FAM193A: variants seen among roughly 807,000 people sequenced by gnomAD.
FAM193A encodes the protein family with sequence similarity 193 member A, also known as protein FAM193A.
A neutral mutation model predicts 126.5 loss-of-function variants in FAM193A; 22 were observed. That is an observed-to-expected ratio of 0.17 (90% CI 0.12 to 0.25). The LOEUF is 0.25. FAM193A is among the 10% of genes least tolerant of loss of function. The pLI is 1.00. For missense variants in FAM193A, 1,675 were observed against 1,672.8 expected, an observed-to-expected ratio of 1.00 and a Z score of -0.02; for synonymous variants, 761 against 646.8, an observed-to-expected ratio of 1.18 and a Z score of -2.68.
At chr4:2,644,997 T>G (rs1744991592) in intron 6 of FAM193A, among the ~76,000 whole-genome samples, 2 of 151,758 alleles carry the variant, frequency 1.3e-5, no homozygotes, top group Admixed American at 1.3e-4. Flanking sequence ...CATGAGCATA[T>G]TTCCATTTCA....
At chr4:2,696,623 G>T (rs372384269) in intron 18 of FAM193A, 30 bp downstream of exon 18, 3 of 1,561,156 alleles carry the variant, frequency 1.9e-6, no homozygotes, top group Non-Finnish European at 1.8e-6. Context: ...ACCTGGAGGC[G>T]CCAGGTCTGA....
In FAM193A at chr4:2,672,099, TG is replaced by T. The variant is rs763214074; in HGVS notation, c.2080-21del. The T allele has an allele frequency of 5.1e-5, 82 of 1,610,612 alleles. 1 individual carries two copies. The highest frequency in any genetic ancestry group is 3.5e-4 in the South Asian group (32 of 91,012). On this transcript the variant is annotated intron_variant, in intron 12 of 20. Transcript: ENST00000637812. ...CATTTATTGTTTCACTAAATAGGTA[TG>T]TTTTTTTTCTTTCCTCTTAGGCTGA...
intron 10 of FAM193A, among the ~76,000 whole-genome samples, chr4:2,662,456 G>C (rs367726935): frequency 6.6e-6 from 1 of 152,198 alleles, no homozygotes; most frequent in African/African-American, 2.4e-5. Context: ...GTTGCCATCG[G>C]TACCCCTTTA....
chr4:2,664,107 T>C (rs537944298), intron 12 of FAM193A, among the ~76,000 whole-genome samples: 1 of 152,360 alleles, frequency 6.6e-6, no homozygotes, highest in African/African-American at 2.4e-5. Flanking sequence ...AAGGTCTATC[T>C]GGGAAGTCTG....
At chr4:2,621,022 A>G (rs1179065643) in intron 2 of FAM193A, among the ~76,000 whole-genome samples, 1 of 151,974 alleles carries the variant, frequency 6.6e-6, no homozygotes, top group Non-Finnish European at 1.5e-5. Context: ...GGGTGTCATT[A>G]TGCCCCACTG....
In FAM193A at chr4:2,659,636, A is replaced by C. The variant is rs781723286; in HGVS notation, c.1468A>C (p.Met490Leu). Reference protein sequence around the residue: ...MRHMLSSRLSMPDCPNCNYRR... With the variant: ...MRHMLSSRLSLPDCPNCNYRR... ...GCACATGTTATCGTCCCGGCTGAGC[A>C]TGCCCGACTGCCCCAACTGCAACTA... The change falls in exon 9 of 21, where the codon ATG becomes CTG. Residue 490 changes from methionine (M) to leucine (L), a missense_variant. Transcript: ENST00000637812. The C allele has an allele frequency of 3.1e-6, 5 of 1,614,056 alleles. No individual in the cohort carries two copies. Among genetic ancestry groups the C allele is most frequent in the Non-Finnish European group, 4.2e-6 (5 of 1,180,032 alleles).
chr4:2,699,792 G>A lies in FAM193A; in HGVS notation c.3620G>A (p.Arg1207His), dbSNP rs763043929. 3.2e-5 allele frequency: 51 copies of A among 1,613,772 alleles called. 1 individual carries two copies. Among genetic ancestry groups the A allele is most frequent in the Middle Eastern group, 3.3e-4 (2 of 6,080 alleles). Residue 1207 changes from arginine to histidine, a missense_variant, in exon 19 of 21, where the codon CGT becomes CAT. Arg to His is a conservative substitution (Grantham distance 29). Around this residue, in one of 4 missense-constraint regions of FAM193A, gnomAD observed 415 missense variants for 396.7 expected, o/e 1.05. Transcript: ENST00000637812. ...EEEDEEEEED[R>H]FKEEFQRLQE... ...GAGGATGAGGAAGAAGAGGAGGATC[G>A]TTTCAAGGAGGAATTTCAGCGGCTT...
Position 2,663,201 on chromosome 4 carries a change from G to C in FAM193A, c.1992G>C (p.Pro664=), listed in dbSNP as rs145567979. Residue 664 remains proline (P), a synonymous_variant, in exon 12 of 21, where the codon CCG becomes CCC. Coordinates refer to ENST00000637812, the MANE Select transcript of FAM193A (RefSeq NM_001366318.2). ...GESSGEPPGA[P]KEDGVLGSRS... The stretch of plus-strand genomic sequence containing the variant: ...GTAGTGGGGAGCCCCCAGGGGCCCC[G>C]AAGGAAGATGGAGTGCTGGGAAGCA... 33 of 1,614,044 alleles carry C rather than the reference G, an allele frequency of 2.0e-5. No homozygotes were observed. In the Admixed American group the frequency reaches 5.3e-4, roughly 26 times the overall value.
intron 10 of FAM193A, 89 bp downstream of exon 10, chr4:2,660,143 C>G: frequency 2.2e-6 from 3 of 1,378,186 alleles, no homozygotes; most frequent in Non-Finnish European, 3.0e-6. Context: ...GAAGTATGAA[C>G]ATCATTATTG....
At chr4:2,537,671 G>A (rs1316151467) in intron 1 of FAM193A, among the ~76,000 whole-genome samples, 1 of 152,200 alleles carries the variant, frequency 6.6e-6, no homozygotes, top group East Asian at 1.9e-4. Flanking sequence ...TGTTTCTCTG[G>A]CCACCTTCGT....
intron 19 of FAM193A, among the ~76,000 whole-genome samples, chr4:2,701,337 A>G (rs1717712300): frequency 6.7e-6 from 1 of 150,288 alleles, no homozygotes; most frequent in South Asian, 2.1e-4. Context: ...GATCCAATCC[A>G]GGATCCCATG....
Position 2,563,959 on chromosome 4 carries a change from A to T in FAM193A, c.255+26789A>T, listed in dbSNP as rs1356313756. Among the ~76,000 whole-genome samples the T allele has an allele frequency of 3.9e-5, 6 of 151,980 alleles. 1 individual carries two copies. The highest frequency in any genetic ancestry group is 2.0e-4 in the Admixed American group (3 of 15,246). ...ATAAAATTGTATTAAGCTCAGAGAA[A>T]CTCCTTTTTGAGTTTTCTTACTTTT... is the stretch of plus-strand genomic sequence containing the variant. On this transcript the variant is annotated intron_variant, in intron 1 of 20. Coordinates refer to ENST00000637812, the MANE Select transcript of FAM193A (RefSeq NM_001366318.2).
At chr4:2,694,275 G>GT (rs958013003) in intron 16 of FAM193A, among the ~76,000 whole-genome samples, 26 of 151,548 alleles carry the variant, frequency 1.7e-4, no homozygotes, top group South Asian at 8.3e-4. Flanking sequence ...TTTGTTTTTT[G>GT]TTTTTTTTCT....
At chr4:2,660,441 T>C (rs922219714) in intron 10 of FAM193A, among the ~76,000 whole-genome samples, 2 of 152,196 alleles carry the variant, frequency 1.3e-5, no homozygotes, top group Admixed American at 1.3e-4. Context: ...GTGATCGCTT[T>C]AGCAAGCAGT....
chr4:2,646,330 C>T (rs1442235211), intron 6 of FAM193A, among the ~76,000 whole-genome samples: 3 of 151,928 alleles, frequency 2.0e-5, no homozygotes, highest in Non-Finnish European at 2.9e-5. Context: ...CCACCACACC[C>T]GGCTAATTTT....
intron 1 of FAM193A, among the ~76,000 whole-genome samples, chr4:2,589,810 G>A (rs1205548705): frequency 6.6e-6 from 1 of 152,190 alleles, no homozygotes; most frequent in African/African-American, 2.4e-5. Flanking sequence ...ACATAACAGT[G>A]TTCCCTGGAC....
rs554698314 is a variant in FAM193A, at chr4:2,590,495, A to C, written c.256-5589A>C. On this transcript the variant is annotated intron_variant, in intron 1 of 20. Transcript: ENST00000637812. ...AAAAAACAAAAAAAAACAAAAAAAA[A>C]CAAAAAAAAACAAAAAAAAAACAAA... is the stretch of plus-strand genomic sequence containing the variant. Among the ~76,000 whole-genome samples the C allele has an allele frequency of 2.5e-3, 247 of 98,032 alleles. 46 individuals carry two copies. In the South Asian group the frequency reaches 0.065, roughly 26 times the overall value. The allele number at this position is 98,032 out of a possible 152,430, so 64.3% of individuals were successfully genotyped here. A position where few individuals can be genotyped will look rare whatever the true frequency, so the allele number is the denominator to read the frequency against.
chr4:2,582,497 T>C (rs1174209230), intron 1 of FAM193A, among the ~76,000 whole-genome samples: 2 of 152,182 alleles, frequency 1.3e-5, no homozygotes, highest in African/African-American at 4.8e-5. Context: ...CTTATTTTCA[T>C]AGTCTTAGTT....
At chr4:2,536,291 C>G (rs1197955519), upstream of FAM193A, among the ~76,000 whole-genome samples, 1 of 151,688 alleles carries the variant, frequency 6.6e-6, no homozygotes, top group Non-Finnish European at 1.5e-5. Context: ...CCGACCACAA[C>G]GCCCAGAAGG....
Sources: allele counts gnomAD v4.1 joint callset (sites outside exome capture counted in the v4.1 genomes callset), GRCh38; gene constraint gnomAD v4.1.1; regional missense constraint gnomAD v4.1.1; transcripts MANE v1.5; gene names NCBI Gene and HGNC (gene_info 2026-07-23, HGNC 2026-07-21).